Variants in TNFRSF1A observed in about 807,000 individuals in gnomAD.
TNFRSF1A encodes the protein TNF receptor superfamily member 1A.
A neutral mutation model predicts 41.6 loss-of-function variants in TNFRSF1A; 9 were observed. The ratio of observed to expected loss-of-function variants is 0.22; its 90% CI spans 0.13 to 0.38. The LOEUF (loss-of-function observed/expected upper bound fraction) is 0.38, where lower values mean the gene tolerates loss of function less well. Among genes scored for constraint, TNFRSF1A ranks in the 10% least tolerant of loss-of-function variants. The pLI, the probability that TNFRSF1A is intolerant of heterozygous loss-of-function variation, is 1.00. For synonymous variants in TNFRSF1A, 254 were observed against 248.6 expected (o/e 1.02, Z -0.21); for missense variants, 463 against 591.5 (o/e 0.78, Z 2.25).
At chr12:6,339,440 C>T (rs1485623560) in intron 1 of TNFRSF1A, among the ~76,000 whole-genome samples, 22 of 152,234 alleles carry the variant, frequency 1.4e-4, no homozygotes, top group Admixed American at 1.4e-3. Flanking sequence ...AGAGCTCTCA[C>T]TTGAGTCAAA....
At position 6,330,066 on chromosome 12, in the gene TNFRSF1A, C is replaced by A. The variant is rs201623463; in HGVS notation, c.769G>T (p.Gly257Trp). The A allele has an allele frequency of 6.2e-7, 1 of 1,612,710 alleles. No homozygotes were observed. Among genetic ancestry groups the A allele is most frequent in the Admixed American group, 1.7e-5 (1 of 59,974 alleles). Reference protein sequence around the residue: ...VCGKSTPEKEGELEGTTTKPL... With the variant: ...VCGKSTPEKEWELEGTTTKPL... ...TTAGTAGTAGTTCCTTCAAGCTCCCCCTGAAAGAGAGAAGGTGGCGCAGCA... is the reference window on the plus strand; with the variant it reads ...TTAGTAGTAGTTCCTTCAAGCTCCCACTGAAAGAGAGAAGGTGGCGCAGCA... The change falls in exon 9 of 10, where the codon GGG becomes TGG. Residue 257 changes from glycine (G) to tryptophan (W), a missense_variant and splice_region_variant. By Grantham distance (184) the Gly-to-Trp change is radical. Coordinates refer to ENST00000162749, the MANE Select transcript of TNFRSF1A (RefSeq NM_001065.4).
rs776166122 is a variant in TNFRSF1A, at chr12:6,329,533, G to T, written c.1147C>A (p.His383Asn). The T allele has an allele frequency of 6.3e-7, 1 of 1,594,744 alleles. No homozygotes were observed. The highest frequency in any genetic ancestry group is 8.5e-7 in the Non-Finnish European group (1 of 1,177,952). ...EFVRRLGLSD[H>N]EIDRLELQNG... ...TGCAGCTCCAGCCGATCGATCTCGT[G>T]GTCGCTCAGCCCTAGGCGCCGCACG... The change falls in exon 10 of 10, where the codon CAC becomes AAC. Residue 383 changes from histidine to asparagine, a missense_variant. His to Asn is a moderately conservative substitution (Grantham distance 68, BLOSUM62 1). Coordinates refer to ENST00000162749, the MANE Select transcript of TNFRSF1A (RefSeq NM_001065.4).
Position 6,329,869 on chromosome 12 carries a change from G to T in TNFRSF1A, c.966C>A (p.Asp322Glu), listed in dbSNP as rs1053719354. The T allele has an allele frequency of 2.5e-6, 4 of 1,596,024 alleles. No individual in the cohort carries two copies. Among genetic ancestry groups the T allele is most frequent in the African/African-American group, 1.3e-5 (1 of 74,726 alleles). Residue 322 changes from aspartate (D) to glutamate (E), a missense_variant, in exon 9 of 10, where the codon GAC becomes GAA. This residue lies in a region of TNFRSF1A where 277 missense variants were observed against 288.8 expected (regional missense o/e 0.96). Transcript: ENST00000162749. ...AGGCGAGGGCTGTCGCAAGGATGGG[G>T]TCAGCCCCCTGATAGGGTGGTGCCA... is the stretch of plus-strand genomic sequence containing the variant. Reference protein sequence around the residue: ...REVAPPYQGADPILATALASD... With the variant: ...REVAPPYQGAEPILATALASD...
chr12:6,340,646 A>G (rs149973437), intron 1 of TNFRSF1A, among the ~76,000 whole-genome samples: 85 of 152,308 alleles, frequency 5.6e-4, no homozygotes, highest in Middle Eastern at 6.8e-3. Flanking sequence ...TTTCAAAAAA[A>G]GAGGCTCTGA....
chr12:6,328,773 T>A lies in TNFRSF1A; in HGVS notation c.*539A>T, dbSNP rs1947974634. ...ACCACTGTCTCCAAGAGCAGAGCTTTAACTTCAGAATTTTAGTGTATGTAC... is the reference window on the plus strand; with the variant it reads ...ACCACTGTCTCCAAGAGCAGAGCTTAAACTTCAGAATTTTAGTGTATGTAC... On this transcript the variant is annotated 3_prime_UTR_variant, in exon 10 of 10. Coordinates refer to ENST00000162749, the MANE Select transcript of TNFRSF1A (RefSeq NM_001065.4). 6.5e-6 allele frequency: 1 copy of A among 154,274 alleles called. No individual in the cohort carries two copies. The highest frequency in any genetic ancestry group is 6.5e-5 in the Admixed American group (1 of 15,340). 9.6% of individuals were successfully genotyped at this position (154,274 alleles called of 1,614,324 possible).
rs955693571 is a variant in TNFRSF1A, at chr12:6,328,969, A to C, written c.*343T>G. The C allele has an allele frequency of 2.8e-5, 9 of 325,904 alleles. No homozygotes were observed. The highest frequency in any genetic ancestry group is 1.7e-4 in the African/African-American group (8 of 47,034). 20.2% of individuals were successfully genotyped at this position (325,904 alleles called of 1,614,324 possible). A position where few individuals can be genotyped will look rare whatever the true frequency, so the allele number is the denominator to read the frequency against. On this transcript the variant is annotated 3_prime_UTR_variant, in exon 10 of 10. Transcript: ENST00000162749. Reference sequence around the variant, plus strand: ...ACAAAACAAAACAAAAACAAAAAAAACTGCTTATGCACTGTGAAAAAGGCT... The same window carrying C: ...ACAAAACAAAACAAAAACAAAAAAACCTGCTTATGCACTGTGAAAAAGGCT...
rs1948139983 is a variant in TNFRSF1A, at chr12:6,337,795, G to C, written c.40-3551C>G. 2.6e-5 allele frequency among the ~76,000 whole-genome samples: 4 copies of C among 152,156 alleles called. 1 individual carries two copies. Among genetic ancestry groups the C allele is most frequent in the Non-Finnish European group, 2.9e-5 (2 of 68,030 alleles). Reference sequence around the variant, plus strand: ...GATCAAAAAATGTCTTGGTCAGAAAGTGTCTTATCCTCCCCTGGTGTCCTC... The same window carrying C: ...GATCAAAAAATGTCTTGGTCAGAAACTGTCTTATCCTCCCCTGGTGTCCTC... On this transcript the variant is annotated intron_variant, in intron 1 of 9. Coordinates refer to ENST00000162749, the MANE Select transcript of TNFRSF1A (RefSeq NM_001065.4). This position sits in a 1 kb window ranked among gnomAD's most constrained non-coding sequence, Gnocchi z 4.6.
intron 5 of TNFRSF1A, among the ~76,000 whole-genome samples, chr12:6,332,419 G>T (rs530426174): frequency 3.0e-5 from 4 of 134,968 alleles, no homozygotes; most frequent in Admixed American, 7.6e-5. Context: ...GGGTGACAGA[G>T]TGAAACCCTG....
chr12:6,329,554 G>C lies in TNFRSF1A; in HGVS notation c.1126C>G (p.Arg376Gly). The stretch of plus-strand genomic sequence containing the variant: ...TCGTGGTCGCTCAGCCCTAGGCGCC[G>C]CACGAATTCCTTCCAGCGCAACGGG... Reference protein sequence around the residue: ...VPPLRWKEFVRRLGLSDHEID... With the variant: ...VPPLRWKEFVGRLGLSDHEID... Residue 376 changes from arginine to glycine, a missense_variant, in exon 10 of 10, where the codon CGG (arginine) becomes GGG (glycine). Physicochemically the swap from Arg to Gly is moderately radical, Grantham distance 125. Coordinates refer to ENST00000162749, the MANE Select transcript of TNFRSF1A (RefSeq NM_001065.4). 6.3e-7 allele frequency: 1 copy of C among 1,592,018 alleles called. No homozygotes were observed. Among genetic ancestry groups the C allele is most frequent in the Non-Finnish European group, 8.5e-7 (1 of 1,175,924 alleles).
At chr12:6,331,132 G>C (rs1053611254) in intron 5 of TNFRSF1A, 1 of 617,940 alleles carries the variant, frequency 1.6e-6, no homozygotes, top group Non-Finnish European at 2.9e-6. Context: ...TCTTGAAAAG[G>C]CTGTGTAGAA....
chr12:6,331,445 C>T (rs555496201), intron 5 of TNFRSF1A: 3 of 208,360 alleles, frequency 1.4e-5, no homozygotes, highest in South Asian at 6.4e-5. Flanking sequence ...TACCTGACTT[C>T]GGGGAGTCGG....
At position 6,330,902 on chromosome 12, in the gene TNFRSF1A, C is replaced by G; in HGVS notation, c.576G>C (p.Thr192=). Residue 192 remains threonine (T), a synonymous_variant, in exon 6 of 10, where the codon ACG becomes ACC. Transcript: ENST00000162749. Reference sequence around the variant, plus strand: ...TCTCAATCTGGGGTAGGCACAACTTCGTGCACTCCAGGCTTTTCTTACAGC... The same window carrying G: ...TCTCAATCTGGGGTAGGCACAACTTGGTGCACTCCAGGCTTTTCTTACAGC... ...CSNCKKSLEC[T]KLCLPQIENV... The G allele has an allele frequency of 1.2e-6, 2 of 1,613,628 alleles. No individual in the cohort carries two copies. Among genetic ancestry groups the G allele is most frequent in the Non-Finnish European group, 1.7e-6 (2 of 1,180,040 alleles).
chr12:6,329,854 T>C lies in TNFRSF1A; in HGVS notation c.981A>G (p.Thr327=). The C allele has an allele frequency of 1.2e-6, 2 of 1,601,034 alleles. No homozygotes were observed. The highest frequency in any genetic ancestry group is 1.7e-6 in the Non-Finnish European group (2 of 1,174,274). Residue 327 remains threonine (T), a synonymous_variant, in exon 9 of 10, where the codon ACA becomes ACG. Coordinates refer to ENST00000162749, the MANE Select transcript of TNFRSF1A (RefSeq NM_001065.4). ...PYQGADPILA[T]ALASDPIPNP... ...TGGGGATGGGGTCGGAGGCGAGGGC[T>C]GTCGCAAGGATGGGGTCAGCCCCCT...
In TNFRSF1A at chr12:6,336,889, T is replaced by C. The variant is rs531083817; in HGVS notation, c.40-2645A>G. Among the ~76,000 whole-genome samples, 7 of 152,330 alleles carry C rather than the reference T, an allele frequency of 4.6e-5. No individual in the cohort carries two copies. In the South Asian group the frequency reaches 1.4e-3, roughly 32 times the overall value. ...CGCATTCCCACAGCCTGGCTGGTTC[T>C]GACCAGTTGTGCTGGGTTTGGGGGC... On this transcript the variant is annotated intron_variant, in intron 1 of 9. Coordinates refer to ENST00000162749, the MANE Select transcript of TNFRSF1A (RefSeq NM_001065.4).
Position 6,329,806 on chromosome 12 carries a change from G to C in TNFRSF1A, c.1029C>G (p.Asp343Glu). 1 of 1,602,642 alleles carries C rather than the reference G, an allele frequency of 6.2e-7. No individual in the cohort carries two copies. Among genetic ancestry groups the C allele is most frequent in the African/African-American group, 1.3e-5 (1 of 74,856 alleles). ...CTAGGCTCTGTGGCTTGTGGGCGCT[G>C]TCCTCCCACTTCTGAAGGGGGTTGG... ...PIPNPLQKWE[D>E]SAHKPQSLDT... The change falls in exon 9 of 10, where the codon GAC (aspartate) becomes GAG (glutamate). Residue 343 changes from aspartate to glutamate, a missense_variant. This residue lies in a region of TNFRSF1A where 277 missense variants were observed against 288.8 expected (regional missense o/e 0.96). Transcript: ENST00000162749.
chr12:6,332,542 C>G (rs1185452978), intron 5 of TNFRSF1A, among the ~76,000 whole-genome samples: 3 of 151,536 alleles, frequency 2.0e-5, no homozygotes, highest in Non-Finnish European at 4.4e-5. Context: ...GGTTCAAACT[C>G]TGAGAGCCCT....
intron 1 of TNFRSF1A, among the ~76,000 whole-genome samples, chr12:6,338,276 T>C (rs1334552138): frequency 6.6e-6 from 1 of 151,970 alleles, no homozygotes; most frequent in Non-Finnish European, 1.5e-5. Context: ...TGCCACGCTC[T>C]CTCCCCAGGG....
At chr12:6,332,427 C>T (rs1948062138) in intron 5 of TNFRSF1A, among the ~76,000 whole-genome samples, 2 of 126,982 alleles carry the variant, frequency 1.6e-5, no homozygotes, top group Non-Finnish European at 1.6e-5. Context: ...GAGTGAAACC[C>T]TGTCTCAAAA....
rs1948090517 is a variant in TNFRSF1A at position 6,334,235 on chromosome 12, C to T, written c.49G>A (p.Glu17Lys). 1 of 1,613,176 alleles carries T rather than the reference C, an allele frequency of 6.2e-7. No homozygotes were observed. Among genetic ancestry groups the T allele is most frequent in the African/African-American group, 1.3e-5 (1 of 75,000 alleles). Residue 17 changes from glutamate to lysine, a missense_variant, in exon 2 of 10, where the codon GAG becomes AAG. By Grantham distance (56) the Glu-to-Lys change is moderately conservative (BLOSUM62 1). Transcript: ENST00000162749. This position sits in a 1 kb window ranked among gnomAD's most constrained non-coding sequence, Gnocchi z 5.1. ...PDLLLPLVLL[E>K]LLVGIYPSGV... ...GAGGGGTATATTCCCACCAACAGCT[C>T]CAGGAGCACCTGGGGAAGAATCAGA...
Sources: gnomAD v4.1 joint callset for allele counts (sites outside exome capture counted in the v4.1 genomes callset) on GRCh38, gnomAD v4.1.1 for gene constraint, gnomAD v4.1.1 regional missense constraint, Gnocchi (gnomAD v3.1) non-coding constraint, MANE v1.5 for transcripts, NCBI Gene and HGNC (gene_info 2026-07-23, HGNC 2026-07-21) for gene names.